The following ZNF561 variants were observed in gnomAD, a reference collection of about 807,000 sequenced individuals.
ZNF561 encodes the protein zinc finger protein 561.
Under a neutral mutation model 16.7 loss-of-function variants are expected in ZNF561, and 16 were observed. The ratio of observed to expected loss-of-function variants is 0.96; its 90% confidence interval spans 0.65 to 1.45. ZNF561 has a LOEUF of 1.45. ZNF561 is among the 40% of genes most tolerant of loss of function. The pLI is 0.00. For synonymous variants in ZNF561, 190 were observed against 192.1 expected (o/e 0.99, Z 0.09); for missense variants, 580 against 578.0 (o/e 1.00, Z -0.04).
chr19:9,621,086 C>G (rs147783047), intron 1 of ZNF561, 76 bp downstream of exon 1: 2 of 152,782 alleles, frequency 1.3e-5, no homozygotes, highest in Admixed American at 6.5e-5. Flanking sequence ...ATCTGAGAGG[C>G]TCCTAGGCGA....
In ZNF561 at chr19:9,610,328, C is replaced by T. The variant is rs374414570; in HGVS notation, c.1333G>A (p.Gly445Arg). ...TCTTTACATACGAAGGGTTTCTCTC[C>T]GGTATGAGTTCGCAGGTGAACATTA... ...RLNVHLRTHT[G>R]EKPFVCKECG... Residue 445 changes from glycine to arginine, a missense_variant, in exon 6 of 6, where the codon GGA becomes AGA. Transcript: ENST00000302851. The T allele has an allele frequency of 1.5e-4, 238 of 1,614,006 alleles. No individual in the cohort carries two copies. Among genetic ancestry groups the T allele is most frequent in the Non-Finnish European group, 1.9e-4 (222 of 1,180,028 alleles).
intron 3 of ZNF561, 187 bp from the exon 4 acceptor site, chr19:9,617,358 T>C: frequency 2.4e-6 from 3 of 1,245,934 alleles, no homozygotes; most frequent in Non-Finnish European, 3.0e-6. Context: ...TACAGGCATA[T>C]GCCTTAAACA....
intron 4 of ZNF561, among the ~76,000 whole-genome samples, chr19:9,616,787 G>A (rs530466738): frequency 6.6e-6 from 1 of 151,434 alleles, no homozygotes; most frequent in South Asian, 2.1e-4. Flanking sequence ...GTAGAGACGG[G>A]GTTTCACAGT....
intron 1 of ZNF561, among the ~76,000 whole-genome samples, chr19:9,619,785 T>A (rs1191627877): frequency 6.6e-6 from 1 of 152,184 alleles, no homozygotes. Context: ...TAGCTTTATA[T>A]ATACATGCTC....
intron 1 of ZNF561, among the ~76,000 whole-genome samples, chr19:9,619,982 C>T (rs1004980577): frequency 2.1e-5 from 3 of 145,548 alleles, no homozygotes; most frequent in Admixed American, 1.4e-4. Flanking sequence ...AGGTTGAAAT[C>T]CAATGGCACT....
rs780743541 is a variant in ZNF561, at chr19:9,610,329, G to A, written c.1332C>T (p.Thr444=). Residue 444 remains threonine, a synonymous_variant, in exon 6 of 6, where the codon ACC becomes ACT. Transcript: ENST00000302851. ...CTTTACATACGAAGGGTTTCTCTCC[G>A]GTATGAGTTCGCAGGTGAACATTAA... ...SRLNVHLRTH[T]GEKPFVCKEC... is the part of the protein sequence containing the mutation. 130 of 1,613,988 alleles carry A rather than the reference G, an allele frequency of 8.1e-5. No homozygotes were observed. The highest frequency in any genetic ancestry group is 9.6e-5 in the Non-Finnish European group (113 of 1,179,988).
rs756420397 is a variant in ZNF561, at chr19:9,610,681, T to G, written c.980A>C (p.His327Pro). The G allele has an allele frequency of 6.2e-7, 1 of 1,614,232 alleles. No homozygotes were observed. Among genetic ancestry groups the G allele is most frequent in the Admixed American group, 1.7e-5 (1 of 60,026 alleles). ...TTTTATTCCAGTGTGAGTTCTTACA[T>G]GTTCAGTAAGTTGAGTTGATCTAGT... is the stretch of plus-strand genomic sequence containing the variant. ...AFTRSTQLTE[H>P]VRTHTGIKPY... Residue 327 changes from histidine to proline, a missense_variant, in exon 6 of 6, where the codon CAT becomes CCT. Coordinates refer to ENST00000302851, the MANE Select transcript of ZNF561 (RefSeq NM_152289.3).
chr19:9,613,522 CTTTTCT>C lies in ZNF561; in HGVS notation c.324+493_324+498del, dbSNP rs1486593443. The stretch of plus-strand genomic sequence containing the variant: ...AGGGATGGGATTACAGACTCAGTTT[CTTTTCT>C]TTATTTCTGAGACAGAGTCTCACTC... On this transcript the variant is annotated intron_variant, in intron 5 of 5. Transcript: ENST00000302851. Among the ~76,000 whole-genome samples, 14 of 151,766 alleles carry C rather than the reference CTTTTCT, an allele frequency of 9.2e-5. No homozygotes were observed. The East Asian group carries it at 2.3e-3, about 25-fold the overall frequency.
At position 9,616,886 on chromosome 19, in the gene ZNF561, G is replaced by T. The variant is rs1260063274; in HGVS notation, c.241+159C>A. ...TGGGATTACAGGCATGAGCCACTGC[G>T]CCCGGCCTAGAATTTTTTTTTTAAG... On this transcript the variant is annotated intron_variant, in intron 4 of 5. Coordinates refer to ENST00000302851, the MANE Select transcript of ZNF561 (RefSeq NM_152289.3). The T allele has an allele frequency of 4.1e-6, 4 of 972,540 alleles. No homozygotes were observed. The East Asian group carries it at 8.6e-5, about 21-fold the overall frequency. The allele number at this position is 972,540 out of a possible 1,614,324, so 60.2% of individuals were successfully genotyped here. A position where few individuals can be genotyped will look rare whatever the true frequency, so the allele number is the denominator to read the frequency against.
Position 9,619,425 on chromosome 19 carries a change from GACTT to G in ZNF561, c.25+3_25+6del. The G allele has an allele frequency of 6.2e-7, 1 of 1,613,184 alleles. No homozygotes were observed. The highest frequency in any genetic ancestry group is 8.5e-7 in the Non-Finnish European group (1 of 1,179,444). ...ATCTCTGAAAAAGAGCATCAACAAA[GACTT>G]ACCACGGGACAAATAAATGGCTGCC... is the stretch of plus-strand genomic sequence containing the variant. On this transcript the variant is annotated splice_donor_5th_base_variant and intron_variant, in intron 2 of 5. Transcript: ENST00000302851.
intron 4 of ZNF561, among the ~76,000 whole-genome samples, chr19:9,616,694 C>T (rs1199857808): frequency 6.6e-6 from 1 of 151,902 alleles, no homozygotes; most frequent in African/African-American, 2.4e-5. Context: ...CGGGTTCATG[C>T]AATTCTCCTG....
intron 2 of ZNF561, 116 bp downstream of exon 2, chr19:9,619,316 A>G (rs2074615985): frequency 1.2e-6 from 1 of 833,030 alleles, no homozygotes; most frequent in Non-Finnish European, 1.9e-6. Flanking sequence ...GGTTCACTTC[A>G]ATTCCTCCTA....
At chr19:9,616,042 T>A (rs1355297544) in intron 4 of ZNF561, among the ~76,000 whole-genome samples, 3 of 152,176 alleles carry the variant, frequency 2.0e-5, no homozygotes, top group Non-Finnish European at 4.4e-5. Flanking sequence ...ACCCTGGAGT[T>A]TCCAATTTAC....
intron 5 of ZNF561, among the ~76,000 whole-genome samples, chr19:9,611,723 G>A (rs1226911228): frequency 2.6e-5 from 4 of 152,018 alleles, no homozygotes; most frequent in East Asian, 1.9e-4. Flanking sequence ...GATATTACAG[G>A]CATGACCCAC....
At position 9,609,437 on chromosome 19, in the gene ZNF561, T is replaced by G. The variant is rs1265777021; in HGVS notation, c.*763A>C. On this transcript the variant is annotated 3_prime_UTR_variant, in exon 6 of 6. Coordinates refer to ENST00000302851, the MANE Select transcript of ZNF561 (RefSeq NM_152289.3). The stretch of plus-strand genomic sequence containing the variant: ...TGTTAAGGAAAAAGGAACCAGAACT[T>G]GGAGATTTGGAAAATTCTCAGCCTA... The G allele has an allele frequency of 6.6e-6, 1 of 152,202 alleles. No homozygotes were observed. Among genetic ancestry groups the G allele is most frequent in the Non-Finnish European group, 1.5e-5 (1 of 68,038 alleles). 9.4% of individuals were successfully genotyped at this position (152,202 alleles called of 1,614,324 possible).
At chr19:9,620,076 G>A (rs916375387) in intron 1 of ZNF561, among the ~76,000 whole-genome samples, 24 of 151,374 alleles carry the variant, frequency 1.6e-4, no homozygotes, top group African/African-American at 4.9e-4. Context: ...CCATAGGTGC[G>A]TATCATCACT....
At position 9,610,156 on chromosome 19, in the gene ZNF561, A is replaced by C; in HGVS notation, c.*44T>G. 2 of 1,499,762 alleles carry C rather than the reference A, an allele frequency of 1.3e-6. No individual in the cohort carries two copies. Among genetic ancestry groups the C allele is most frequent in the Non-Finnish European group, 1.8e-6 (2 of 1,118,096 alleles). The allele number at this position is 1,499,762 out of a possible 1,614,324, so 92.9% of individuals were successfully genotyped here. A position where few individuals can be genotyped will look rare whatever the true frequency, so the allele number is the denominator to read the frequency against. ...AAAGGCATTTAGGACAAATCTGATA[A>C]TCTTTGGTGTCATTGCCAATAATTA... On this transcript the variant is annotated 3_prime_UTR_variant, in exon 6 of 6. Coordinates refer to ENST00000302851, the MANE Select transcript of ZNF561 (RefSeq NM_152289.3).
chr19:9,611,316 C>T lies in ZNF561; in HGVS notation c.345G>A (p.Trp115Ter). 1 of 1,612,054 alleles carries T rather than the reference C, an allele frequency of 6.2e-7. No homozygotes were observed. Among genetic ancestry groups the T allele is most frequent in the Non-Finnish European group, 8.5e-7 (1 of 1,178,266 alleles). ...CACAATTCTTACAGTCACAGAGTTT[C>T]CATCCACTGTAGCCTCTTGTCTGTT... ...GIQMTRGYSG[W>*]KLCDCKNCGE... Residue 115 changes from tryptophan (W) to a stop codon, truncating the protein, a stop_gained, in exon 6 of 6, where the codon TGG becomes TGA. Transcript: ENST00000302851. LOFTEE classifies it low-confidence loss of function (END_TRUNC).
At position 9,618,124 on chromosome 19, in the gene ZNF561, C is replaced by G. The variant is rs1344915261; in HGVS notation, c.81G>C (p.Arg27Ser). 34 of 1,551,334 alleles carry G rather than the reference C, an allele frequency of 2.2e-5. No individual in the cohort carries two copies. The highest frequency in any genetic ancestry group is 2.9e-5 in the Non-Finnish European group (33 of 1,146,720). Residue 27 changes from arginine to serine, a missense_variant, in exon 3 of 6, where the codon AGG becomes AGC. By Grantham distance (110) the Arg-to-Ser change is moderately radical. Coordinates refer to ENST00000302851, the MANE Select transcript of ZNF561 (RefSeq NM_152289.3). ...CPFEEKTKVE[R>S]MVEDYLASGY... ...CACTTGCCAGGTAGTCCTCCACCATCCTTTCTACCTTTGTCTTTTCTTCAA... is the reference window on the plus strand; with the variant it reads ...CACTTGCCAGGTAGTCCTCCACCATGCTTTCTACCTTTGTCTTTTCTTCAA...
Sources: allele counts gnomAD v4.1 joint callset (sites outside exome capture counted in the v4.1 genomes callset), GRCh38; gene constraint gnomAD v4.1.1; transcripts MANE v1.5; gene names NCBI Gene and HGNC (gene_info 2026-07-23, HGNC 2026-07-21).